The following SATB2 variants were observed in gnomAD, a reference collection of about 807,000 sequenced individuals.
The protein encoded by SATB2 is SATB homeobox 2, also known as DNA-binding protein SATB2.
Under a neutral mutation model 73.4 loss-of-function variants are expected in SATB2, and 1 was observed. The ratio of observed to expected loss-of-function variants is 0.01; its 90% CI spans 0.00 to 0.06. The LOEUF (loss-of-function observed/expected upper bound fraction) is 0.06, where lower values mean the gene tolerates loss of function less well. Ranked by LOEUF, SATB2 falls within the 10% of genes least tolerant of loss-of-function variation. The pLI, the probability that SATB2 is intolerant of heterozygous loss-of-function variation, is 1.00. For missense variants in SATB2, 459 were observed against 945.8 expected (o/e 0.49, Z 6.75); for synonymous variants, 397 against 367.0 (o/e 1.08, Z -0.93).
rs750399523 is a variant in SATB2 at position 199,364,319 on chromosome 2, C to T, written c.700+4286G>A. On this transcript the variant is annotated intron_variant, in intron 6 of 10. Transcript: ENST00000417098. ...TTCAACATCTAATCTTTGTGTTTAC[C>T]GAAACCCTTCATGGGCTTTGTTTAC... Among the ~76,000 whole-genome samples, 2 of 151,970 alleles carry T rather than the reference C, an allele frequency of 1.3e-5. 1 individual carries two copies. Among genetic ancestry groups the T allele is most frequent in the Admixed American group, 1.3e-4 (2 of 15,252 alleles).
At chr2:199,458,668 G>A (rs1344168921), upstream of SATB2, 1 of 442,486 alleles carries the variant, frequency 2.3e-6, no homozygotes, top group Middle Eastern at 3.8e-4. Context: ...ACGCGCAAGA[G>A]GCGACCGCGG....
chr2:199,402,098 C>T (rs1160924372), intron 3 of SATB2, among the ~76,000 whole-genome samples: 4 of 151,976 alleles, frequency 2.6e-5, no homozygotes, highest in Non-Finnish European at 5.9e-5. Flanking sequence ...AGATTTGATA[C>T]ATTATTGGCT....
Position 199,433,517 on chromosome 2 carries a change from G to A in SATB2, c.170-3C>T. 1 of 1,613,966 alleles carries A rather than the reference G, an allele frequency of 6.2e-7. No individual in the cohort carries two copies. Among genetic ancestry groups the A allele is most frequent in the Non-Finnish European group, 8.5e-7 (1 of 1,179,842 alleles). ...ACAAAAGACAGGAATCATCAAACCT[G>A]AAGGGACAAAATTCAAGAGCAAAAC... On this transcript the variant is annotated splice_polypyrimidine_tract_variant and splice_region_variant and intron_variant, in intron 2 of 10. Coordinates refer to ENST00000417098, the MANE Select transcript of SATB2 (RefSeq NM_001172509.2).
intron 3 of SATB2, among the ~76,000 whole-genome samples, chr2:199,393,568 C>A (rs1020345495): frequency 6.6e-6 from 1 of 152,012 alleles, no homozygotes; most frequent in Non-Finnish European, 1.5e-5. Flanking sequence ...ATCTCCATGG[C>A]CCCTTGCAGT....
At chr2:199,389,722 C>T (rs558181456) in intron 3 of SATB2, among the ~76,000 whole-genome samples, 20 of 152,140 alleles carry the variant, frequency 1.3e-4, no homozygotes, top group African/African-American at 4.8e-4. Context: ...AAAATACTAA[C>T]CTGTATATTT....
At chr2:199,352,021 C>T (rs1838859) in intron 6 of SATB2, among the ~76,000 whole-genome samples, 95,383 of 151,880 alleles carry the variant, frequency 0.63, 32,800 homozygotes, top group Non-Finnish European at 0.77. Context: ...AGGCATATGC[C>T]GCCACCACAC....
intron 2 of SATB2, among the ~76,000 whole-genome samples, chr2:199,446,949 CT>C (rs1412815257): frequency 6.6e-6 from 1 of 152,174 alleles, no homozygotes; most frequent in South Asian, 2.1e-4. Flanking sequence ...ATATTCCCCC[CT>C]AAGTCTGTCA....
chr2:199,404,516 GCAT>G (rs888043478), intron 3 of SATB2, among the ~76,000 whole-genome samples: 3 of 151,970 alleles, frequency 2.0e-5, no homozygotes, highest in African/African-American at 7.2e-5. Context: ...GCAAAAAAAA[GCAT>G]CATTTAAATC....
chr2:199,412,862 A>AATGT (rs1690864139), intron 3 of SATB2, among the ~76,000 whole-genome samples: 1 of 152,212 alleles, frequency 6.6e-6, no homozygotes, highest in Admixed American at 6.5e-5. Flanking sequence ...ATCCATGGAG[A>AATGT]ATGTAGCTAA....
At chr2:199,465,317 A>G (rs555163758), upstream of SATB2, 1 of 152,364 alleles carries the variant, frequency 6.6e-6, no homozygotes, top group African/African-American at 2.4e-5. Flanking sequence ...TTCAAGTCTC[A>G]CAATACAAGT....
At chr2:199,435,607 G>A (rs1475702227) in intron 2 of SATB2, among the ~76,000 whole-genome samples, 2 of 152,132 alleles carry the variant, frequency 1.3e-5, no homozygotes, top group Non-Finnish European at 2.9e-5. Context: ...GCCTCCCAAA[G>A]TGCTGGGATT....
At chr2:199,447,666 A>G (rs1051124352) in intron 2 of SATB2, among the ~76,000 whole-genome samples, 2 of 152,230 alleles carry the variant, frequency 1.3e-5, no homozygotes, top group Admixed American at 6.5e-5. Flanking sequence ...GACAAAGTCA[A>G]TGGTCATTTG....
At chr2:199,422,437 C>T (rs1362976458) in intron 3 of SATB2, among the ~76,000 whole-genome samples, 2 of 151,868 alleles carry the variant, frequency 1.3e-5, no homozygotes, top group Admixed American at 6.6e-5. Context: ...TTATAAAATG[C>T]CATCCATGAT....
intron 2 of SATB2, among the ~76,000 whole-genome samples, chr2:199,448,972 G>A (rs1036143271): frequency 6.6e-6 from 1 of 152,284 alleles, no homozygotes; most frequent in African/African-American, 2.4e-5. Flanking sequence ...AGGTTTTCCT[G>A]TCCTATGTGT....
intron 2 of SATB2, among the ~76,000 whole-genome samples, chr2:199,436,563 C>T (rs1012935208): frequency 6.6e-6 from 1 of 152,018 alleles, no homozygotes; most frequent in East Asian, 1.9e-4. Context: ...TCATAAAGGG[C>T]TTATTCTTAG....
intron 10 of SATB2, among the ~76,000 whole-genome samples, chr2:199,289,741 C>T (rs1040134559): frequency 1.3e-5 from 2 of 152,156 alleles, no homozygotes; most frequent in African/African-American, 4.8e-5. Context: ...AAGACCAACC[C>T]CCCAGGTTGC....
intron 9 of SATB2, among the ~76,000 whole-genome samples, chr2:199,319,421 T>A (rs1447347293): frequency 2.6e-5 from 4 of 152,088 alleles, no homozygotes; most frequent in African/African-American, 9.7e-5. Flanking sequence ...TTTTCTTTTA[T>A]CCCAGCAGGC....
intron 6 of SATB2, among the ~76,000 whole-genome samples, chr2:199,358,087 C>A (rs1689039024): frequency 6.6e-6 from 1 of 152,080 alleles, no homozygotes; most frequent in South Asian, 2.1e-4. Flanking sequence ...CTCAGCTGGG[C>A]TACACATTAA....
intron 3 of SATB2, among the ~76,000 whole-genome samples, chr2:199,405,926 C>T (rs1690617731): frequency 1.3e-5 from 2 of 151,980 alleles, no homozygotes; most frequent in Non-Finnish European, 1.5e-5. Context: ...TTCATTCAGT[C>T]CATGGGTTCT....
Sources: allele counts gnomAD v4.1 joint callset (sites outside exome capture counted in the v4.1 genomes callset), GRCh38; gene constraint gnomAD v4.1.1; transcripts MANE v1.5; gene names NCBI Gene and HGNC (gene_info 2026-07-23, HGNC 2026-07-21).